The following ANGPTL4 variants were observed in gnomAD, a reference collection of about 807,000 sequenced individuals.
ANGPTL4 encodes the protein angiopoietin like 4.
A neutral mutation model predicts 39.2 loss-of-function variants in ANGPTL4; 39 were observed. That is an observed-to-expected ratio of 1.00 (90% CI 0.77 to 1.30). The LOEUF is 1.30. Among genes scored for constraint, ANGPTL4 ranks in the 50% most tolerant of loss-of-function variants. The pLI is 0.00. For synonymous variants in ANGPTL4, 233 were observed against 229.5 expected (o/e 1.02, Z -0.14); for missense variants, 545 against 549.8 (o/e 0.99, Z 0.09).
chr19:8,369,236 C>T lies in ANGPTL4; in HGVS notation c.565C>T (p.Gln189Ter). ...CCCTTCAGGGCTGCCCAGGGATTGC[C>T]AGGAGCTGTTCCAGGTTGGGGAGAG... ...SRLHRLPRDC[Q>*]ELFQVGERQS... Residue 189 changes from glutamine to a stop codon, truncating the protein, a stop_gained, in exon 4 of 7, where the codon CAG (glutamine) becomes TAG (stop). Transcript: ENST00000301455. LOFTEE classifies it high-confidence loss of function. The T allele has an allele frequency of 6.2e-7, 1 of 1,611,394 alleles. No homozygotes were observed. The highest frequency in any genetic ancestry group is 8.5e-7 in the Non-Finnish European group (1 of 1,179,722).
Position 8,373,765 on chromosome 19 carries a change from T to A in ANGPTL4, c.1100T>A (p.Ile367Asn), listed in dbSNP as rs761768072. Reference protein sequence around the residue: ...SNLNGQYFRSIPQQRQKLKKG... With the variant: ...SNLNGQYFRSNPQQRQKLKKG... ...CTCAACGGCCAGTACTTCCGCTCCATCCCACAGCAGCGGCAGAAGCTTAAG... is the reference window on the plus strand; with the variant it reads ...CTCAACGGCCAGTACTTCCGCTCCAACCCACAGCAGCGGCAGAAGCTTAAG... The change falls in exon 7 of 7, where the codon ATC becomes AAC. Residue 367 changes from isoleucine (I) to asparagine (N), a missense_variant. Coordinates refer to ENST00000301455, the MANE Select transcript of ANGPTL4 (RefSeq NM_139314.3). 43 of 1,613,844 alleles carry A rather than the reference T, an allele frequency of 2.7e-5. No individual in the cohort carries two copies. Among genetic ancestry groups the A allele is most frequent in the Non-Finnish European group, 3.6e-5 (42 of 1,180,018 alleles).
chr19:8,374,126 G>C lies in ANGPTL4; in HGVS notation c.*240G>C, dbSNP rs1275606260. ...AGACTCTAGAGGCGTGGACCAAGGGGCATGGAGCTTCACTCCTTGCTGGCC... is the reference window on the plus strand; with the variant it reads ...AGACTCTAGAGGCGTGGACCAAGGGCCATGGAGCTTCACTCCTTGCTGGCC... On this transcript the variant is annotated 3_prime_UTR_variant, in exon 7 of 7. Transcript: ENST00000301455. The C allele has an allele frequency of 3.8e-6, 2 of 530,140 alleles. No homozygotes were observed. Among genetic ancestry groups the C allele is most frequent in the Non-Finnish European group, 3.4e-6 (1 of 293,168 alleles). 32.8% of individuals were successfully genotyped at this position (530,140 alleles called of 1,614,324 possible). A position where few individuals can be genotyped will look rare whatever the true frequency, so the allele number is the denominator to read the frequency against.
rs1271583695 is a variant in ANGPTL4, at chr19:8,374,255, G to A, written c.*369G>A. The A allele has an allele frequency of 6.5e-6, 2 of 306,756 alleles. No individual in the cohort carries two copies. The highest frequency in any genetic ancestry group is 1.3e-5 in the Non-Finnish European group (2 of 157,936). 19.0% of individuals were successfully genotyped at this position (306,756 alleles called of 1,614,324 possible). Reference sequence around the variant, plus strand: ...GGGGACCAGGGCTTGTGTGGGTCGAGAGCGCCCTCATGGTGCTGGTGCTGT... The same window carrying A: ...GGGGACCAGGGCTTGTGTGGGTCGAAAGCGCCCTCATGGTGCTGGTGCTGT... On this transcript the variant is annotated 3_prime_UTR_variant, in exon 7 of 7. Transcript: ENST00000301455.
Position 8,371,578 on chromosome 19 carries a change from G to T in ANGPTL4, c.1039+56G>T, listed in dbSNP as rs1599673603. 6.2e-7 allele frequency: 1 copy of T among 1,607,396 alleles called. No individual in the cohort carries two copies. Among genetic ancestry groups the T allele is most frequent in the Non-Finnish European group, 8.5e-7 (1 of 1,178,970 alleles). On this transcript the variant is annotated intron_variant, in intron 6 of 6. Transcript: ENST00000301455. This position sits in a 1 kb window ranked among gnomAD's most constrained non-coding sequence, Gnocchi z 5.1. ...CAGCAGCTTCCCTCCTTATCTTTCTGCTGCTCTGTCCTGCCTTCAACCCCA... is the reference window on the plus strand; with the variant it reads ...CAGCAGCTTCCCTCCTTATCTTTCTTCTGCTCTGTCCTGCCTTCAACCCCA...
At position 8,368,245 on chromosome 19, in the gene ANGPTL4, C is replaced by G. The variant is rs543746203; in HGVS notation, c.548-974C>G. On this transcript the variant is annotated intron_variant, in intron 3 of 6. Coordinates refer to ENST00000301455, the MANE Select transcript of ANGPTL4 (RefSeq NM_139314.3). The stretch of plus-strand genomic sequence containing the variant: ...ATGTTGACCAGGCTGGTCTCAAACT[C>G]CTGACCGATCCGCCCGCCTCCCAAA... 9.9e-5 allele frequency among the ~76,000 whole-genome samples: 15 copies of G among 152,144 alleles called. 1 individual carries two copies. The South Asian group carries it at 3.1e-3, about 32-fold the overall frequency.
intron 3 of ANGPTL4, among the ~76,000 whole-genome samples, chr19:8,367,715 C>T (rs147775362): frequency 1.3e-5 from 2 of 152,344 alleles, no homozygotes; most frequent in Non-Finnish European, 2.9e-5. Context: ...CCTGCCTCCT[C>T]TCCCTCTAGG....
intron 3 of ANGPTL4, among the ~76,000 whole-genome samples, chr19:8,368,923 G>A (rs1045933032): frequency 6.6e-6 from 1 of 152,152 alleles, no homozygotes; most frequent in South Asian, 2.1e-4. Flanking sequence ...GTGGCAGGAC[G>A]GTGTGTGGTA....
In ANGPTL4 at chr19:8,364,455, C is replaced by A. The variant is rs1970954863; in HGVS notation, c.134C>A (p.Ala45Glu). 2.6e-6 allele frequency: 4 copies of A among 1,559,156 alleles called. No individual in the cohort carries two copies. Among genetic ancestry groups the A allele is most frequent in the Non-Finnish European group, 1.7e-6 (2 of 1,153,764 alleles). Residue 45 changes from alanine to glutamate, a missense_variant, in exon 1 of 7, where the codon GCG becomes GAG. Ala to Glu is a moderately radical substitution (Grantham distance 107). Transcript: ENST00000301455. ...TCCTGGGACGAGATGAATGTCCTGG[C>A]GCACGGACTCCTGCAGCTCGGCCAG... ...FASWDEMNVL[A>E]HGLLQLGQGL...
intron 4 of ANGPTL4, 63 bp downstream of exon 4, chr19:8,369,395 T>A: frequency 3.8e-6 from 5 of 1,304,894 alleles, no homozygotes; most frequent in Non-Finnish European, 4.4e-6. Flanking sequence ...TTCTTTAAAT[T>A]GAAAACAAAA....
At chr19:8,370,215 A>T (rs1469324874) in intron 4 of ANGPTL4, among the ~76,000 whole-genome samples, 2 of 151,974 alleles carry the variant, frequency 1.3e-5, no homozygotes, top group East Asian at 3.9e-4. Flanking sequence ...CATCAAAAAA[A>T]TAAAAAAGAG....
Position 8,374,139 on chromosome 19 carries a change from C to A in ANGPTL4, c.*253C>A. 2.0e-6 allele frequency: 1 copy of A among 500,772 alleles called. No individual in the cohort carries two copies. Among genetic ancestry groups the A allele is most frequent in the South Asian group, 2.1e-5 (1 of 46,874 alleles). 31.0% of individuals were successfully genotyped at this position (500,772 alleles called of 1,614,324 possible). ...GTGGACCAAGGGGCATGGAGCTTCA[C>A]TCCTTGCTGGCCAGGGAGTTGGGGA... On this transcript the variant is annotated 3_prime_UTR_variant, in exon 7 of 7. Coordinates refer to ENST00000301455, the MANE Select transcript of ANGPTL4 (RefSeq NM_139314.3).
chr19:8,365,647 T>G (rs1970987277), intron 1 of ANGPTL4, among the ~76,000 whole-genome samples: 1 of 151,604 alleles, frequency 6.6e-6, no homozygotes, highest in Non-Finnish European at 1.5e-5. Context: ...AGAGCGAGAC[T>G]CTGTCTGAAA....
At position 8,374,165 on chromosome 19, in the gene ANGPTL4, C is replaced by G; in HGVS notation, c.*279C>G. 1 of 445,964 alleles carries G rather than the reference C, an allele frequency of 2.2e-6. No homozygotes were observed. The highest frequency in any genetic ancestry group is 4.2e-6 in the Non-Finnish European group (1 of 240,438). 27.6% of individuals were successfully genotyped at this position (445,964 alleles called of 1,614,324 possible). Reference sequence around the variant, plus strand: ...TCCTTGCTGGCCAGGGAGTTGGGGACTCAGAGGGACCACTTGGGGCCAGCC... The same window carrying G: ...TCCTTGCTGGCCAGGGAGTTGGGGAGTCAGAGGGACCACTTGGGGCCAGCC... On this transcript the variant is annotated 3_prime_UTR_variant, in exon 7 of 7. Coordinates refer to ENST00000301455, the MANE Select transcript of ANGPTL4 (RefSeq NM_139314.3).
Position 8,364,194 on chromosome 19 carries a change from G to C in ANGPTL4, c.-128G>C. 1.0e-6 allele frequency: 1 copy of C among 997,150 alleles called. No individual in the cohort carries two copies. Among genetic ancestry groups the C allele is most frequent in the African/African-American group, 1.6e-5 (1 of 61,810 alleles). The allele number at this position is 997,150 out of a possible 1,614,324, so 61.8% of individuals were successfully genotyped here. On this transcript the variant is annotated 5_prime_UTR_variant, in exon 1 of 7. Transcript: ENST00000301455. ...GCGGATCCTCACACGACTGTGATCC[G>C]ATTCTTTCCAGCGGCTTCTGCAACC... is the stretch of plus-strand genomic sequence containing the variant.
rs781414076 is a variant in ANGPTL4 at position 8,373,878 on chromosome 19, G to GC, written c.1215dup (p.Ser406LeufsTer66). On this transcript the variant is annotated frameshift_variant, in exon 7 of 7. Coordinates refer to ENST00000301455, the MANE Select transcript of ANGPTL4 (RefSeq NM_139314.3). LOFTEE classifies it high-confidence loss of function. ...GATCCAGCCCATGGCAGCAGAGGCA[G>GC]CCTCCTAGCGTCCTGGCTGGGCCTG... 80 of 1,613,196 alleles carry GC rather than the reference G, an allele frequency of 5.0e-5. No individual in the cohort carries two copies. The highest frequency in any genetic ancestry group is 8.5e-6 in the Non-Finnish European group (10 of 1,180,032).
At position 8,364,997 on chromosome 19, in the gene ANGPTL4, C is replaced by T. The variant is rs549340582; in HGVS notation, c.318+358C>T. Among the ~76,000 whole-genome samples, 17 of 152,230 alleles carry T rather than the reference C, an allele frequency of 1.1e-4. 1 individual carries two copies. The South Asian group carries it at 3.3e-3, about 30-fold the overall frequency. ...TAGCCTGGCCAACATGGAGAAACCT[C>T]GTCTCTACTAAAAATACAAAAAATT... On this transcript the variant is annotated intron_variant, in intron 1 of 6. Coordinates refer to ENST00000301455, the MANE Select transcript of ANGPTL4 (RefSeq NM_139314.3).
chr19:8,366,422 T>C (rs1043582528), intron 3 of ANGPTL4, 103 bp downstream of exon 3: 6 of 1,284,948 alleles, frequency 4.7e-6, no homozygotes, highest in Non-Finnish European at 6.6e-6. Context: ...GAAGATGTCC[T>C]GGCCTGGAGT....
At chr19:8,368,437 T>C (rs1477667404) in intron 3 of ANGPTL4, among the ~76,000 whole-genome samples, 1 of 152,156 alleles carries the variant, frequency 6.6e-6, no homozygotes, top group Non-Finnish European at 1.5e-5. Context: ...GAGAGACCAT[T>C]AGATGACCTC....
At chr19:8,368,909 C>T (rs545082727) in intron 3 of ANGPTL4, among the ~76,000 whole-genome samples, 3 of 152,212 alleles carry the variant, frequency 2.0e-5, no homozygotes, top group East Asian at 3.9e-4. Context: ...TGTGCAAAGT[C>T]CCTGTGGCAG....
Sources: allele counts gnomAD v4.1 joint callset (sites outside exome capture counted in the v4.1 genomes callset), GRCh38; gene constraint gnomAD v4.1.1; non-coding constraint Gnocchi (gnomAD v3.1); transcripts MANE v1.5; gene names NCBI Gene and HGNC (gene_info 2026-07-23, HGNC 2026-07-21).